The following FTCD variants were observed in gnomAD, a reference collection of about 807,000 sequenced individuals.
The protein encoded by FTCD is formimidoyltransferase cyclodeaminase.
Under a neutral mutation model 62.9 loss-of-function variants are expected in FTCD, and 76 were observed. That is an observed-to-expected ratio of 1.21 (90% CI 1.00 to 1.46). The LOEUF is 1.46. Among genes scored for constraint, FTCD ranks in the 40% most tolerant of loss-of-function variants. FTCD has a pLI of 0.00. For synonymous variants in FTCD, 397 were observed against 336.9 expected, an observed-to-expected ratio of 1.18 and a Z score of -1.95; for missense variants, 845 against 751.3, an observed-to-expected ratio of 1.12 and a Z score of -1.46.
chr21:46,137,431 C>A, intron 12 of FTCD, 97 bp from the exon 13 acceptor site: 1 of 934,964 alleles, frequency 1.1e-6, no homozygotes, highest in Non-Finnish European at 1.7e-6. Flanking sequence ...GGCCGGACTT[C>A]GTCCTCCTCC....
Position 46,143,731 on chromosome 21 carries a change from C to G in FTCD, c.1260+1686G>C, listed in dbSNP as rs968450128. ...CCAGCGTCTGGGAAGGCGCCCGTTACCAAGCGGAGCATGGTCTATGGTAGT... is the reference window on the plus strand; with the variant it reads ...CCAGCGTCTGGGAAGGCGCCCGTTAGCAAGCGGAGCATGGTCTATGGTAGT... On this transcript the variant is annotated intron_variant, in intron 10 of 13. Coordinates refer to ENST00000397746, the MANE Select transcript of FTCD (RefSeq NM_206965.2). Among the ~76,000 whole-genome samples, 10 of 152,160 alleles carry G rather than the reference C, an allele frequency of 6.6e-5. 1 individual carries two copies. The South Asian group carries it at 2.1e-3, about 32-fold the overall frequency.
rs749119382 is a variant in FTCD, at chr21:46,136,885, G to A, written c.*102C>T. 44 of 1,578,904 alleles carry A rather than the reference G, an allele frequency of 2.8e-5. No individual in the cohort carries two copies. The highest frequency in any genetic ancestry group is 1.2e-4 in the African/African-American group (9 of 73,932). On this transcript the variant is annotated 3_prime_UTR_variant, in exon 14 of 14. Coordinates refer to ENST00000397746, the MANE Select transcript of FTCD (RefSeq NM_206965.2). ...CCCGCTGCCTGCCCACCTACCCTCCGGGCCCCACACGAACAAGCTGTGTCC... is the reference window on the plus strand; with the variant it reads ...CCCGCTGCCTGCCCACCTACCCTCCAGGCCCCACACGAACAAGCTGTGTCC...
downstream of FTCD, chr21:46,136,327 C>A: frequency 1.0e-6 from 1 of 970,038 alleles, no homozygotes; most frequent in Non-Finnish European, 1.6e-6. Context: ...GGGCAGGGAG[C>A]TGAGGCAGGG....
Position 46,145,479 on chromosome 21 carries a change from C to A in FTCD, c.1198G>T (p.Glu400Ter). 4.5e-6 allele frequency: 7 copies of A among 1,557,738 alleles called. No homozygotes were observed. The highest frequency in any genetic ancestry group is 1.9e-5 in the Admixed American group (1 of 52,724). ...AGCGTGGTTAGCTTGGCCGAAGCCT[C>A]GCGGAAGGGCGGGATCAGGCGCCGC... Reference protein sequence around the residue: ...TMRRLIPPFREASAKLTTLVD... With the variant: ...TMRRLIPPFR The change falls in exon 10 of 14, where the codon GAG (glutamate) becomes TAG (stop). Residue 400 changes from glutamate to a stop codon, truncating the protein, a stop_gained. Transcript: ENST00000397746. LOFTEE classifies it high-confidence loss of function.
At chr21:46,143,564 C>A (rs1004915052) in intron 10 of FTCD, among the ~76,000 whole-genome samples, 1 of 152,168 alleles carries the variant, frequency 6.6e-6, no homozygotes, top group Non-Finnish European at 1.5e-5. Context: ...AATCTTTGCT[C>A]TGCAATCATA....
chr21:46,138,571 C>T lies in FTCD; in HGVS notation c.1380G>A (p.Ser460=), dbSNP rs750312666. The T allele has an allele frequency of 4.3e-5, 69 of 1,587,098 alleles. No homozygotes were observed. Among genetic ancestry groups the T allele is most frequent in the African/African-American group, 2.4e-4 (18 of 74,690 alleles). ...CCAGTTCCTGCAGGGCCGGCCACAG[C>T]GAGGCCACCGTCTCCGCCAGCGTCA... The part of the protein sequence containing the change: ...VPLTLAETVA[S]LWPALQELAR... Residue 460 remains serine, a synonymous_variant, in exon 12 of 14, where the codon TCG becomes TCA. Transcript: ENST00000397746.
intron 10 of FTCD, among the ~76,000 whole-genome samples, chr21:46,143,357 T>G: frequency 8.1e-6 from 1 of 123,160 alleles, no homozygotes; most frequent in South Asian, 3.1e-4. Context: ...CCTCCCTCTC[T>G]CCCTACCCCC....
At chr21:46,155,164 G>T (rs1264259798) in intron 1 of FTCD, among the ~76,000 whole-genome samples, 1 of 152,162 alleles carries the variant, frequency 6.6e-6, no homozygotes, top group African/African-American at 2.4e-5. Context: ...TTTCAGGGGG[G>T]AGCACCAAGG....
At chr21:46,136,766 C>G, downstream of FTCD, 1 of 1,501,470 alleles carries the variant, frequency 6.7e-7, no homozygotes, top group Middle Eastern at 1.8e-4. Flanking sequence ...AAACCGCCAA[C>G]ACACAACACA....
chr21:46,151,539 G>A lies in FTCD; in HGVS notation c.636+19C>T. On this transcript the variant is annotated intron_variant, in intron 5 of 13. Transcript: ENST00000397746. ...CGAGGGGCTGGGTGGGGCTCCATGG[G>A]GTCAGTGAACGGGGTCACCTGGTCC... 6.2e-7 allele frequency: 1 copy of A among 1,605,832 alleles called. No individual in the cohort carries two copies. The highest frequency in any genetic ancestry group is 8.5e-7 in the Non-Finnish European group (1 of 1,174,032).
intron 3 of FTCD, 108 bp downstream of exon 3, chr21:46,152,799 G>T: frequency 1.1e-6 from 1 of 935,460 alleles, no homozygotes; most frequent in Non-Finnish European, 1.6e-6. Context: ...GGAACACTCT[G>T]CCCTTGCAAG....
At chr21:46,153,119 C>A in intron 2 of FTCD, 84 bp from the exon 3 acceptor site, 2 of 1,411,408 alleles carry the variant, frequency 1.4e-6, no homozygotes, top group South Asian at 2.7e-5. Flanking sequence ...CCTCTGTCCT[C>A]TCCGGCCTGG....
chr21:46,146,002 G>A (rs1341611480), intron 8 of FTCD, 55 bp from the exon 9 acceptor site: 1 of 1,115,242 alleles, frequency 9.0e-7, no homozygotes, highest in Non-Finnish European at 1.2e-6. Flanking sequence ...GGGGAGCGCA[G>A]TCCTCCCGGG....
chr21:46,151,260 T>C (rs2079266230), intron 5 of FTCD, among the ~76,000 whole-genome samples: 1 of 152,180 alleles, frequency 6.6e-6, no homozygotes, highest in Admixed American at 6.5e-5. Flanking sequence ...ACTCCGGAAG[T>C]CGCTGTTTCC....
Position 46,138,349 on chromosome 21 carries a change from G to A in FTCD, c.1443+159C>T, listed in dbSNP as rs79126727. On this transcript the variant is annotated intron_variant, in intron 12 of 13. Coordinates refer to ENST00000397746, the MANE Select transcript of FTCD (RefSeq NM_206965.2). ...GATCTTAGAAGGCAGCGGACACCCC[G>A]GCCCTGTTGGAGGAGGCCAAAGCCC... 6.0e-3 allele frequency among the ~76,000 whole-genome samples: 913 copies of A among 152,294 alleles called. 2 individuals carry two copies. Among genetic ancestry groups the A allele is most frequent in the Non-Finnish European group, 0.01 (705 of 68,016 alleles).
chr21:46,154,870 G>C (rs1052410725), intron 1 of FTCD, among the ~76,000 whole-genome samples: 1 of 152,232 alleles, frequency 6.6e-6, no homozygotes, highest in Non-Finnish European at 1.5e-5. Flanking sequence ...GGTGACCCCT[G>C]TGGCCTGGTG....
At chr21:46,146,862 C>G (rs1256093203) in intron 7 of FTCD, 1 of 155,370 alleles carries the variant, frequency 6.4e-6, no homozygotes, top group African/African-American at 2.4e-5. Context: ...ATTCAGAACA[C>G]GTTGGCTATG....
chr21:46,155,131 T>G (rs1421598411), intron 1 of FTCD, among the ~76,000 whole-genome samples: 2 of 152,156 alleles, frequency 1.3e-5, no homozygotes, highest in African/African-American at 4.8e-5. Context: ...CACAGCCCTT[T>G]CAGTCAGTGG....
chr21:46,136,463 C>T (rs756460532), downstream of FTCD: 8 of 1,612,528 alleles, frequency 5.0e-6, no homozygotes, highest in Non-Finnish European at 6.8e-6. Context: ...GCTATCCTTC[C>T]AGCGTCGAAG....
Sources: allele counts gnomAD v4.1 joint callset (sites outside exome capture counted in the v4.1 genomes callset), GRCh38; gene constraint gnomAD v4.1.1; transcripts MANE v1.5; gene names NCBI Gene and HGNC (gene_info 2026-07-23, HGNC 2026-07-21).